ABCC11: variants seen among roughly 807,000 people sequenced by gnomAD.
The protein encoded by ABCC11 is ATP-binding cassette sub-family C member 11.
A neutral mutation model predicts 149.3 loss-of-function variants in ABCC11; 135 were observed. The observed-to-expected ratio is 0.90, with a 90% CI of 0.79 to 1.04. The LOEUF (loss-of-function observed/expected upper bound fraction) is 1.04, where lower values mean the gene tolerates loss of function less well. ABCC11 is among the 50% of genes least tolerant of loss of function. The pLI is 0.00. For synonymous variants in ABCC11, 665 were observed against 671.4 expected, an observed-to-expected ratio of 0.99 and a Z score of 0.15; for missense variants, 1,680 against 1,722.1, an observed-to-expected ratio of 0.98 and a Z score of 0.43.
At position 48,215,225 on chromosome 16, in the gene ABCC11, C is replaced by T. The variant is rs763261434; in HGVS notation, c.1071G>A (p.Trp357Ter). 2.7e-5 allele frequency: 44 copies of T among 1,612,770 alleles called. No homozygotes were observed. Among genetic ancestry groups the T allele is most frequent in the Non-Finnish European group, 3.6e-5 (43 of 1,178,920 alleles). ...CAATGATTTTTGCAAATGGTTTCTCCCATGTGTACATTTTAATCAGCTTAA... is the reference window on the plus strand; with the variant it reads ...CAATGATTTTTGCAAATGGTTTCTCTCATGTGTACATTTTAATCAGCTTAA... ...TCIKLIKMYTWEKPFAKIIED... is the reference protein window; with the variant it reads ...TCIKLIKMYT Residue 357 changes from tryptophan (W) to a stop codon, truncating the protein, a stop_gained, in exon 8 of 30, where the codon TGG becomes TGA. Transcript: ENST00000356608. LOFTEE classifies it high-confidence loss of function.
chr16:48,205,411 A>G lies in ABCC11; in HGVS notation c.1805+2T>C. On this transcript the variant is annotated splice_donor_variant, in intron 13 of 29. Coordinates refer to ENST00000356608, the MANE Select transcript of ABCC11 (RefSeq NM_001370497.1). LOFTEE classifies it high-confidence loss of function. ...TCTCCCTTTCCCCTCCCAGGAGCTT[A>G]CCGGGCCTTGTCATATGCGCCTCCC... 4 of 1,614,090 alleles carry G rather than the reference A, an allele frequency of 2.5e-6. No homozygotes were observed. Among genetic ancestry groups the G allele is most frequent in the Non-Finnish European group, 3.4e-6 (4 of 1,179,990 alleles).
At chr16:48,220,319 G>A (rs934003123) in intron 6 of ABCC11, among the ~76,000 whole-genome samples, 4 of 152,196 alleles carry the variant, frequency 2.6e-5, no homozygotes, top group Non-Finnish European at 5.9e-5. Flanking sequence ...CCTTGCCTCA[G>A]TTTCCTCCTT....
At chr16:48,186,591 C>A (rs112563222) in intron 22 of ABCC11, among the ~76,000 whole-genome samples, 3,435 of 152,110 alleles carry the variant, frequency 0.023, 63 homozygotes, top group Middle Eastern at 0.075. Flanking sequence ...AGCTATTGTT[C>A]CTCATTATTT....
In ABCC11 at chr16:48,171,035, CAGTGAATGACCA is replaced by C. The variant is rs532649675; in HGVS notation, c.3699-80_3699-69del. ...GGCTTTGAACACTCATTTATATGCC[CAGTGAATGACCA>C]AGAATGTTTAGAACTGGATTATGGG... On this transcript the variant is annotated intron_variant, in intron 26 of 29. Coordinates refer to ENST00000356608, the MANE Select transcript of ABCC11 (RefSeq NM_001370497.1). 1,240 of 1,284,264 alleles carry C rather than the reference CAGTGAATGACCA, an allele frequency of 9.7e-4. 16 individuals are homozygous for C. The South Asian group carries it at 0.013, about 13-fold the overall frequency. 79.6% of individuals were successfully genotyped at this position (1,284,264 alleles called of 1,614,324 possible). A position where few individuals can be genotyped will look rare whatever the true frequency, so the allele number is the denominator to read the frequency against.
At chr16:48,244,698 C>A in intron 1 of ABCC11, 2 of 1,074,310 alleles carry the variant, frequency 1.9e-6, no homozygotes, top group Non-Finnish European at 2.4e-6. Context: ...CACGGCCTGC[C>A]TTGAGCGCGA....
intron 6 of ABCC11, among the ~76,000 whole-genome samples, chr16:48,216,985 A>C (rs916365192): frequency 6.6e-6 from 1 of 152,140 alleles, no homozygotes; most frequent in African/African-American, 2.4e-5. Context: ...TCCACCCCTT[A>C]AATCTTTCCT....
intron 11 of ABCC11, among the ~76,000 whole-genome samples, chr16:48,208,771 T>A (rs766946624): frequency 6.6e-6 from 1 of 152,142 alleles, no homozygotes. Flanking sequence ...CAGATTTGTG[T>A]CTATTCTATG....
chr16:48,170,743 T>C, intron 27 of ABCC11, 146 bp downstream of exon 27: 1 of 749,064 alleles, frequency 1.3e-6, no homozygotes, highest in South Asian at 1.7e-5. Flanking sequence ...GACTTAGGAA[T>C]GCCAAGTCAT....
rs774873725 is a variant in ABCC11 at position 48,197,994 on chromosome 16, T to C, written c.2291A>G (p.Glu764Gly). The change falls in exon 17 of 30, where the codon GAA (glutamate) becomes GGA (glycine). Residue 764 changes from glutamate (E) to glycine (G), a missense_variant. Coordinates refer to ENST00000356608, the MANE Select transcript of ABCC11 (RefSeq NM_001370497.1). ...VESQALATSL[E>G]ESLNGNAVPE... The stretch of plus-strand genomic sequence containing the variant: ...ACCAGCATTTCCGTTGAGAGACTCT[T>C]CCAGGGAGGTGGCCAGAGCCTGACT... 3 of 1,614,172 alleles carry C rather than the reference T, an allele frequency of 1.9e-6. No homozygotes were observed. Among genetic ancestry groups the C allele is most frequent in the Non-Finnish European group, 2.5e-6 (3 of 1,180,036 alleles).
intron 18 of ABCC11, among the ~76,000 whole-genome samples, chr16:48,195,761 G>A (rs149502423): frequency 2.0e-4 from 31 of 152,114 alleles, no homozygotes; most frequent in South Asian, 4.1e-4. Flanking sequence ...CGATGTGGCC[G>A]CTATTTTCTC....
chr16:48,224,044 GCAGCTAAGTGC>G (rs1969916943), intron 5 of ABCC11, among the ~76,000 whole-genome samples: 1 of 152,130 alleles, frequency 6.6e-6, no homozygotes, highest in Admixed American at 6.5e-5. Flanking sequence ...AAGTCACCCA[GCAGCTAAGTGC>G]CAGGGACATG....
intron 5 of ABCC11, 37 bp from the exon 6 acceptor site, chr16:48,222,868 C>A: frequency 6.5e-7 from 1 of 1,530,608 alleles, no homozygotes; most frequent in South Asian, 1.2e-5. Flanking sequence ...TTCAGACCAC[C>A]CTGCCAGACA....
chr16:48,244,787 C>T (rs1452279892), intron 1 of ABCC11, among the ~76,000 whole-genome samples: 4 of 152,230 alleles, frequency 2.6e-5, no homozygotes, highest in Admixed American at 6.5e-5. Context: ...TGTCAGATAC[C>T]TGCCCCATGA....
At chr16:48,227,733 G>T in intron 4 of ABCC11, 73 bp downstream of exon 4, 1 of 1,596,188 alleles carries the variant, frequency 6.3e-7, no homozygotes, top group Non-Finnish European at 8.6e-7. Context: ...ACCACCCTTA[G>T]GCATCTCTGG....
At chr16:48,220,098 T>A (rs538571481) in intron 6 of ABCC11, among the ~76,000 whole-genome samples, 1 of 152,342 alleles carries the variant, frequency 6.6e-6, no homozygotes, top group East Asian at 1.9e-4. Context: ...GTTTTATGCT[T>A]CTATGAAGAT....
intron 14 of ABCC11, among the ~76,000 whole-genome samples, chr16:48,201,630 G>A (rs1286068573): frequency 2.0e-5 from 3 of 152,138 alleles, no homozygotes; most frequent in Admixed American, 2.0e-4. Flanking sequence ...TCCATTGACA[G>A]CACCTGTCAA....
chr16:48,173,555 G>A (rs1242601630), intron 26 of ABCC11, among the ~76,000 whole-genome samples: 4 of 152,282 alleles, frequency 2.6e-5, no homozygotes, highest in African/African-American at 7.2e-5. Flanking sequence ...ACATTCTACT[G>A]TAACATAGAA....
At chr16:48,213,292 A>C in intron 10 of ABCC11, 151 bp downstream of exon 10, 1 of 624,628 alleles carries the variant, frequency 1.6e-6, no homozygotes, top group Non-Finnish European at 2.7e-6. Context: ...CAGGCTCCAC[A>C]CCAGCCTTGG....
chr16:48,224,883 C>T (rs1969970514), intron 4 of ABCC11, among the ~76,000 whole-genome samples: 1 of 152,012 alleles, frequency 6.6e-6, no homozygotes. Context: ...AATTAGTTGG[C>T]ACGGTGGCAT....
Sources: allele counts gnomAD v4.1 joint callset (sites outside exome capture counted in the v4.1 genomes callset), GRCh38; gene constraint gnomAD v4.1.1; transcripts MANE v1.5; gene names NCBI Gene and HGNC (gene_info 2026-07-23, HGNC 2026-07-21).